MNT: variants seen among roughly 807,000 people sequenced by gnomAD.
The protein encoded by MNT is MAX network transcriptional repressor.
In MNT, 13 loss-of-function variants were observed where a neutral mutation model predicts 40.7. The observed-to-expected ratio is 0.32, with a 90% CI of 0.21 to 0.51. The LOEUF (loss-of-function observed/expected upper bound fraction) is 0.51, where lower values mean the gene tolerates loss of function less well. MNT is among the 20% of genes least tolerant of loss of function. The pLI is 0.98. For synonymous variants in MNT, 426 were observed against 354.8 expected (o/e 1.20, Z -2.26); for missense variants, 757 against 792.0 (o/e 0.96, Z 0.53).
Position 2,387,510 on chromosome 17 carries a change from T to G in MNT, c.1140A>C (p.Pro380=), listed in dbSNP as rs1320662402. Residue 380 remains proline, a synonymous_variant, in exon 6 of 6, where the codon CCA becomes CCC. Coordinates refer to ENST00000174618, the MANE Select transcript of MNT (RefSeq NM_020310.3). ...CGGAGTGGGGGTGAGGGTGTGGGTG[T>G]GGAGGCAGAGGCGCAGGGGTGGTGC... ...PPSTTPAPLP[P]HPHPHPHSVA... The G allele has an allele frequency of 3.7e-6, 6 of 1,611,160 alleles. No individual in the cohort carries two copies.
chr17:2,387,009 C>G lies in MNT; in HGVS notation c.1641G>C (p.Val547=). The change falls in exon 6 of 6, where the codon GTG becomes GTC. Residue 547 remains valine, a synonymous_variant. Transcript: ENST00000174618. Reference sequence around the variant, plus strand: ...GGGGGTGGTGCACCACCTGAGCCCCCACGGCCGGCTTTGCCATGACAGTAG... The same window carrying G: ...GGGGGTGGTGCACCACCTGAGCCCCGACGGCCGGCTTTGCCATGACAGTAG... The part of the protein sequence containing the change: ...PPATVMAKPA[V]GAQVVHHPQL... The G allele has an allele frequency of 2.0e-6, 3 of 1,536,072 alleles. No homozygotes were observed. Among genetic ancestry groups the G allele is most frequent in the Non-Finnish European group, 2.6e-6 (3 of 1,138,874 alleles).
chr17:2,393,200 C>A (rs1247941160), intron 4 of MNT, among the ~76,000 whole-genome samples: 4 of 150,886 alleles, frequency 2.7e-5, no homozygotes, highest in African/African-American at 9.7e-5. Flanking sequence ...CTCCGCGTCT[C>A]CGCGGCTGCC....
chr17:2,398,415 C>T (rs1444450933), intron 1 of MNT, among the ~76,000 whole-genome samples: 1 of 152,226 alleles, frequency 6.6e-6, no homozygotes, highest in Non-Finnish European at 1.5e-5. Flanking sequence ...GGATCCCTGT[C>T]CAGAGCTGGT....
At position 2,384,597 on chromosome 17, in the gene MNT, C is replaced by T. The variant is rs866805137; in HGVS notation, c.*2304G>A. 2.2e-4 allele frequency: 32 copies of T among 145,802 alleles called. No individual in the cohort carries two copies. The highest frequency in any genetic ancestry group is 4.1e-4 in the East Asian group (2 of 4,884). 9.0% of individuals were successfully genotyped at this position (145,802 alleles called of 1,614,324 possible). On this transcript the variant is annotated 3_prime_UTR_variant, in exon 6 of 6. Transcript: ENST00000174618. ...GAGGTAAGATGTGTGCGTGTGCGTG[C>T]GTGTGTGTGTGTGTGTGTGTGTGTG...
intron 2 of MNT, 128 bp from the exon 3 acceptor site, chr17:2,394,474 G>A (rs1428781794): frequency 2.1e-6 from 3 of 1,406,180 alleles, no homozygotes; most frequent in Non-Finnish European, 2.9e-6. Flanking sequence ...CAGACTGGGA[G>A]ACGTTCGCCC....
At chr17:2,394,283 A>ACG in intron 3 of MNT, 22 bp downstream of exon 3, 1 of 1,559,356 alleles carries the variant, frequency 6.4e-7, no homozygotes, top group Non-Finnish European at 8.8e-7. Flanking sequence ...GCACGCACAC[A>ACG]CACACACACA....
chr17:2,395,625 A>T (rs1276988637), intron 1 of MNT, among the ~76,000 whole-genome samples, 171 bp from the exon 2 acceptor site: 2 of 152,104 alleles, frequency 1.3e-5, no homozygotes, highest in African/African-American at 4.8e-5. Context: ...TGCCGGGGGC[A>T]CAGCAGTGAA....
intron 4 of MNT, chr17:2,393,838 C>A: frequency 3.7e-6 from 1 of 272,360 alleles, no homozygotes; most frequent in Non-Finnish European, 6.7e-6. Context: ...GGAGGGGAGC[C>A]GCGCCCTCCT....
At position 2,386,038 on chromosome 17, in the gene MNT, CAGGGCTG is replaced by C. The variant is rs1466523341; in HGVS notation, c.*856_*862del. ...CCTTCTGGAAGCCAAGAGCCAAGCC[CAGGGCTG>C]GGGACTGGGGACTGGGGACAGGGGC... On this transcript the variant is annotated 3_prime_UTR_variant, in exon 6 of 6. Transcript: ENST00000174618. 4 of 151,470 alleles carry C rather than the reference CAGGGCTG, an allele frequency of 2.6e-5. No homozygotes were observed. The highest frequency in any genetic ancestry group is 5.9e-5 in the Non-Finnish European group (4 of 68,274). The allele number at this position is 151,470 out of a possible 1,614,324, so 9.4% of individuals were successfully genotyped here.
At chr17:2,396,302 C>T (rs533000718) in intron 1 of MNT, 1 of 153,448 alleles carries the variant, frequency 6.5e-6, no homozygotes, top group South Asian at 2.0e-4. Context: ...CCCCAAATCC[C>T]CAACATCCCC....
Position 2,394,024 on chromosome 17 carries a change from C to A in MNT, c.807+19G>T. The A allele has an allele frequency of 6.5e-7, 1 of 1,542,116 alleles. No homozygotes were observed. The highest frequency in any genetic ancestry group is 8.8e-7 in the Non-Finnish European group (1 of 1,141,702). On this transcript the variant is annotated intron_variant, in intron 4 of 5. Coordinates refer to ENST00000174618, the MANE Select transcript of MNT (RefSeq NM_020310.3). ...GAGGGCGGGGGAAGCTGCGCGACGC[C>A]GGCCTCCGGGCCCCATACCTGGATG...
chr17:2,394,277 G>GCACGCGCA (rs539682697), intron 3 of MNT, 28 bp downstream of exon 3: 134 of 1,489,246 alleles, frequency 9.0e-5, no homozygotes, highest in Admixed American at 1.2e-4. Context: ...ACGCACGCAC[G>GCACGCGCA]CACACACACA....
At position 2,398,103 on chromosome 17, in the gene MNT, A is replaced by G. The variant is rs534608217; in HGVS notation, c.73+2537T>C. 1.1e-4 allele frequency among the ~76,000 whole-genome samples: 16 copies of G among 152,366 alleles called. 1 individual carries two copies. The South Asian group carries it at 3.3e-3, about 32-fold the overall frequency. On this transcript the variant is annotated intron_variant, in intron 1 of 5. Coordinates refer to ENST00000174618, the MANE Select transcript of MNT (RefSeq NM_020310.3). ...CCCCAGCAGCCACAGGAATTCTCCCATCTGCACGCTAAACAGGAGGCTTGG... is the reference window on the plus strand; with the variant it reads ...CCCCAGCAGCCACAGGAATTCTCCCGTCTGCACGCTAAACAGGAGGCTTGG...
chr17:2,391,475 T>C (rs2066513920), intron 4 of MNT: 1 of 152,400 alleles, frequency 6.6e-6, no homozygotes, highest in East Asian at 1.9e-4. Flanking sequence ...CTAGTCCAGT[T>C]CTTCACAGGC....
At chr17:2,393,650 G>A (rs1182969505) in intron 4 of MNT, 1 of 153,236 alleles carries the variant, frequency 6.5e-6, no homozygotes, top group Non-Finnish European at 1.5e-5. Flanking sequence ...GCGGAATCTG[G>A]GCTCCCGCCC....
At chr17:2,394,378 G>A (rs141825360) in intron 2 of MNT, 32 bp from the exon 3 acceptor site, 97 of 1,613,082 alleles carry the variant, frequency 6.0e-5, no homozygotes, top group Admixed American at 2.7e-4. Context: ...GGCTCAGGGA[G>A]GAGGACTCGA....
Position 2,400,899 on chromosome 17 carries a change from T to C in MNT, c.-187A>G, listed in dbSNP as rs1396951861. On this transcript the variant is annotated 5_prime_UTR_variant, in exon 1 of 6. Coordinates refer to ENST00000174618, the MANE Select transcript of MNT (RefSeq NM_020310.3). Reference sequence around the variant, plus strand: ...AGAAAAATCAATGTCTCTCAAAATATTTGCAAAATATAAAATTGCAAATTT... The same window carrying C: ...AGAAAAATCAATGTCTCTCAAAATACTTGCAAAATATAAAATTGCAAATTT... 3.4e-5 allele frequency: 14 copies of C among 417,438 alleles called. No homozygotes were observed. In the Admixed American group the frequency reaches 5.9e-4, roughly 18 times the overall value. 25.9% of individuals were successfully genotyped at this position (417,438 alleles called of 1,614,324 possible).
chr17:2,399,641 C>T (rs1475298364), intron 1 of MNT, among the ~76,000 whole-genome samples: 2 of 152,030 alleles, frequency 1.3e-5, no homozygotes, highest in Admixed American at 6.5e-5. Context: ...GGCCCCTTGC[C>T]AGCCCCGCCC....
At chr17:2,398,246 A>G (rs2066590250) in intron 1 of MNT, among the ~76,000 whole-genome samples, 1 of 152,248 alleles carries the variant, frequency 6.6e-6, no homozygotes, top group African/African-American at 2.4e-5. Context: ...TATGAACACT[A>G]GAAATGACCA....
Sources: allele counts gnomAD v4.1 joint callset (sites outside exome capture counted in the v4.1 genomes callset), GRCh38; gene constraint gnomAD v4.1.1; transcripts MANE v1.5; gene names NCBI Gene and HGNC (gene_info 2026-07-23, HGNC 2026-07-21).